The following NOS1 variants were observed in gnomAD, a reference collection of about 807,000 sequenced individuals.
NOS1 encodes nitric oxide synthase 1.
Under a neutral mutation model 164.5 loss-of-function variants are expected in NOS1, and 51 were observed. The ratio of observed to expected loss-of-function variants is 0.31; its 90% confidence interval spans 0.25 to 0.39. The LOEUF is 0.39. Among genes scored for constraint, NOS1 ranks in the 10% least tolerant of loss-of-function variants. The pLI, the probability that NOS1 is intolerant of heterozygous loss-of-function variation, is 1.00. For missense variants in NOS1, 1,362 were observed against 1,885.6 expected (o/e 0.72, Z 5.14); for synonymous variants, 719 against 745.8 (o/e 0.96, Z 0.59).
chr12:117,248,883 G>C (rs565617361), intron 17 of NOS1, among the ~76,000 whole-genome samples: 1 of 152,216 alleles, frequency 6.6e-6, no homozygotes, highest in East Asian at 1.9e-4. Context: ...TTTAATGATT[G>C]ACATTCTAAC....
chr12:117,325,410 G>A (rs551765761), intron 2 of NOS1, among the ~76,000 whole-genome samples: 8 of 152,228 alleles, frequency 5.3e-5, no homozygotes, highest in African/African-American at 1.9e-4. Context: ...GTAATTTGTG[G>A]AGGTAGTTTT....
rs74855600 is a variant in NOS1 at position 117,258,524 on chromosome 12, G to A, written c.2473-69C>T. ...ATGGGAAATCAGGTCGGATACTGAG[G>A]GTCTGGGGTCCTGGCTGTCAAAGAG... On this transcript the variant is annotated intron_variant, in intron 15 of 28. Coordinates refer to ENST00000317775, the MANE Select transcript of NOS1 (RefSeq NM_000620.5). The A allele has an allele frequency of 3.1e-4, 461 of 1,504,850 alleles. 1 individual carries two copies. In the African/African-American group the frequency reaches 5.7e-3, roughly 19 times the overall value. The allele number at this position is 1,504,850 out of a possible 1,614,324, so 93.2% of individuals were successfully genotyped here. A position where few individuals can be genotyped will look rare whatever the true frequency, so the allele number is the denominator to read the frequency against.
rs768832786 is a variant in NOS1, at chr12:117,226,640, C to T, written c.3704+43G>A. 34 of 1,572,558 alleles carry T rather than the reference C, an allele frequency of 2.2e-5. 1 individual carries two copies. The South Asian group carries it at 3.8e-4, about 17-fold the overall frequency. ...TACCCCAACTTGTGACGTCAATATG[C>T]AGATTTGAGATGATTGCTCATTTTT... On this transcript the variant is annotated intron_variant, in intron 24 of 28. Transcript: ENST00000317775.
At chr12:117,271,933 C>T (rs755514340) in intron 10 of NOS1, among the ~76,000 whole-genome samples, 8 of 152,086 alleles carry the variant, frequency 5.3e-5, no homozygotes, top group African/African-American at 9.7e-5. Flanking sequence ...AAATATGTCC[C>T]GAGTTTGTCA....
chr12:117,323,369 G>C (rs1263137691), intron 2 of NOS1, among the ~76,000 whole-genome samples: 1 of 152,202 alleles, frequency 6.6e-6, no homozygotes. Context: ...AAATATTCCA[G>C]TGTCTTAAAA....
chr12:117,258,562 C>T (rs1032312923), intron 15 of NOS1, 107 bp from the exon 16 acceptor site: 24 of 1,152,526 alleles, frequency 2.1e-5, no homozygotes, highest in South Asian at 1.0e-4. Flanking sequence ...GACTGATGCC[C>T]GGAGGCCAGG....
At position 117,260,480 on chromosome 12, in the gene NOS1, G is replaced by A. The variant is rs749837589; in HGVS notation, c.2352C>T (p.His784=). ...CCCCACCTACCTTGGCATCAAAGGCGTGTTTGAAGATCTCACACAAGGTCT... is the reference window on the plus strand; with the variant it reads ...CCCCACCTACCTTGGCATCAAAGGCATGTTTGAAGATCTCACACAAGGTCT... ...YAKTLCEIFK[H]AFDAKVMSME... The change falls in exon 14 of 29, where the codon CAC becomes CAT. Residue 784 remains histidine (H), a synonymous_variant. Coordinates refer to ENST00000317775, the MANE Select transcript of NOS1 (RefSeq NM_000620.5). 17 of 1,613,972 alleles carry A rather than the reference G, an allele frequency of 1.1e-5. No homozygotes were observed. The highest frequency in any genetic ancestry group is 2.2e-5 in the South Asian group (2 of 91,060).
intron 16 of NOS1, 54 bp downstream of exon 16, chr12:117,258,343 A>G (rs1345051969): frequency 9.5e-6 from 15 of 1,585,158 alleles, no homozygotes; most frequent in Admixed American, 6.7e-5. Context: ...CCAAAAGTCA[A>G]TGTCCAGTTA....
At chr12:117,355,069 G>C (rs1041073716) in intron 1 of NOS1, among the ~76,000 whole-genome samples, 1 of 152,140 alleles carries the variant, frequency 6.6e-6, no homozygotes, top group African/African-American at 2.4e-5. Context: ...AGAGATTCTC[G>C]AGTATTATTT....
At chr12:117,231,896 T>C in intron 22 of NOS1, 66 bp downstream of exon 22, 1 of 1,501,204 alleles carries the variant, frequency 6.7e-7, no homozygotes, top group Non-Finnish European at 9.1e-7. Flanking sequence ...AATAACAGTT[T>C]TCAACTCTTT....
At chr12:117,299,719 T>G (rs1429367133) in intron 3 of NOS1, among the ~76,000 whole-genome samples, 8 of 151,482 alleles carry the variant, frequency 5.3e-5, no homozygotes, top group Non-Finnish European at 5.9e-5. Flanking sequence ...AATTCAACAG[T>G]CTGTAGAAGG....
rs1224797414 is a variant in NOS1, at chr12:117,272,567, G to A, written c.1665-8C>T. The A allele has an allele frequency of 1.9e-6, 3 of 1,611,142 alleles. No individual in the cohort carries two copies. Among genetic ancestry groups the A allele is most frequent in the Non-Finnish European group, 2.5e-6 (3 of 1,178,724 alleles). Reference sequence around the variant, plus strand: ...TCCTTGAACCACTCAAACCTGCAGGGAGCAACAGGGCCCAGCTCACCCGGA... The same window carrying A: ...TCCTTGAACCACTCAAACCTGCAGGAAGCAACAGGGCCCAGCTCACCCGGA... On this transcript the variant is annotated splice_region_variant and splice_polypyrimidine_tract_variant and intron_variant, in intron 9 of 28. Coordinates refer to ENST00000317775, the MANE Select transcript of NOS1 (RefSeq NM_000620.5). This position sits in a 1 kb window ranked among gnomAD's most constrained non-coding sequence, Gnocchi z 4.3.
chr12:117,302,033 T>C (rs918546445), intron 3 of NOS1: 3 of 456,720 alleles, frequency 6.6e-6, no homozygotes, highest in East Asian at 7.0e-5. Context: ...GTGACCCTCG[T>C]TGAGCACCAA....
Position 117,210,138 on chromosome 12 carries a change from AATTTT to A in NOS1, c.*5166_*5170del. On this transcript the variant is annotated 3_prime_UTR_variant, in exon 29 of 29. Transcript: ENST00000317775. ...CAGGAGCATGCCATCATGCCCAGCT[AATTTT>A]TTTTTTTTTTTTTTTTTAGTAGAGA... The A allele has an allele frequency of 2.7e-6, 1 of 374,862 alleles. No homozygotes were observed. The highest frequency in any genetic ancestry group is 3.4e-6 in the Non-Finnish European group (1 of 295,816). The allele number at this position is 374,862 out of a possible 1,614,324, so 23.2% of individuals were successfully genotyped here.
At chr12:117,294,190 G>A (rs948971887) in intron 3 of NOS1, among the ~76,000 whole-genome samples, 1 of 152,240 alleles carries the variant, frequency 6.6e-6, no homozygotes, top group South Asian at 2.1e-4. Flanking sequence ...TGTAGAGGCT[G>A]AGGAGCAGCT....
chr12:117,286,955 C>A (rs9658348), intron 5 of NOS1, among the ~76,000 whole-genome samples: 5 of 152,186 alleles, frequency 3.3e-5, no homozygotes, highest in Non-Finnish European at 7.3e-5. Context: ...TGGCTCACAC[C>A]TGTAGTCCCA....
chr12:117,361,224 G>C (rs1877133153), intron 1 of NOS1, among the ~76,000 whole-genome samples: 1 of 150,022 alleles, frequency 6.7e-6, no homozygotes, highest in Non-Finnish European at 1.5e-5. Flanking sequence ...GCCCGCGGCC[G>C]CCGCGCTCCG....
chr12:117,358,826 C>G (rs1005363179), intron 1 of NOS1, among the ~76,000 whole-genome samples: 1 of 152,190 alleles, frequency 6.6e-6, no homozygotes, highest in African/African-American at 2.4e-5. Context: ...AAGCCATGCC[C>G]CTGACCATAG....
intron 1 of NOS1, among the ~76,000 whole-genome samples, chr12:117,352,568 G>A (rs368187494): frequency 4.6e-5 from 7 of 152,248 alleles, no homozygotes; most frequent in East Asian, 1.9e-4. Context: ...CTAAACAGCC[G>A]TAAATGACAT....
Sources: allele counts gnomAD v4.1 joint callset (sites outside exome capture counted in the v4.1 genomes callset), GRCh38; gene constraint gnomAD v4.1.1; non-coding constraint Gnocchi (gnomAD v3.1); transcripts MANE v1.5; gene names NCBI Gene and HGNC (gene_info 2026-07-23, HGNC 2026-07-21).